The following ADAM23 variants were observed in gnomAD, a reference collection of about 807,000 sequenced individuals.
The protein encoded by ADAM23 is ADAM metallopeptidase domain 23.
In ADAM23, 33 loss-of-function variants were observed where a neutral mutation model predicts 120.1. The ratio of observed to expected loss-of-function variants is 0.27; its 90% CI spans 0.21 to 0.37. The LOEUF (loss-of-function observed/expected upper bound fraction) is 0.37. Ranked by LOEUF, ADAM23 falls within the 10% of genes least tolerant of loss-of-function variation. The pLI, the probability that ADAM23 is intolerant of heterozygous loss-of-function variation, is 1.00. For synonymous variants in ADAM23, 367 were observed against 375.2 expected (o/e 0.98, Z 0.25); for missense variants, 862 against 1,058.2 (o/e 0.81, Z 2.57).
chr2:206,584,177 G>A (rs1698275312), intron 18 of ADAM23, among the ~76,000 whole-genome samples: 1 of 152,172 alleles, frequency 6.6e-6, no homozygotes, highest in African/African-American at 2.4e-5. Context: ...GGCTGGTACT[G>A]GGGGTTGTCT....
At chr2:206,471,331 T>C (rs1043625418) in intron 2 of ADAM23, among the ~76,000 whole-genome samples, 1 of 152,226 alleles carries the variant, frequency 6.6e-6, no homozygotes, top group Non-Finnish European at 1.5e-5. Flanking sequence ...GTAGTCATCA[T>C]AAAGACTCAA....
chr2:206,558,970 A>G lies in ADAM23; in HGVS notation c.1006-985A>G, dbSNP rs571822894. On this transcript the variant is annotated intron_variant, in intron 10 of 25. Transcript: ENST00000264377. ...GTTTGTTTGTTTTTCTTTGAGACAG[A>G]GTCTTGCTCTGTTGCCCAGGCTGGA... 4.3e-4 allele frequency among the ~76,000 whole-genome samples: 65 copies of G among 151,994 alleles called. No homozygotes were observed. The South Asian group carries it at 5.6e-3, about 13-fold the overall frequency.
At position 206,456,232 on chromosome 2, in the gene ADAM23, G is replaced by C. The variant is rs570922751; in HGVS notation, c.432+10708G>C. On this transcript the variant is annotated intron_variant, in intron 2 of 25. Coordinates refer to ENST00000264377, the MANE Select transcript of ADAM23 (RefSeq NM_003812.4). ...GGAAGCATGCACACCTTACCATGGT[G>C]GAGCAGGAGAGAGAGAGCAAGCAAG... 5.3e-5 allele frequency among the ~76,000 whole-genome samples: 8 copies of C among 152,194 alleles called. No individual in the cohort carries two copies. In the South Asian group the frequency reaches 1.7e-3, roughly 32 times the overall value.
chr2:206,464,658 A>G (rs1695504135), intron 2 of ADAM23, among the ~76,000 whole-genome samples: 1 of 152,250 alleles, frequency 6.6e-6, no homozygotes, highest in Middle Eastern at 3.4e-3. Flanking sequence ...CTATACATAC[A>G]TCTTCTGTAC....
intron 24 of ADAM23, among the ~76,000 whole-genome samples, 163 bp downstream of exon 24, chr2:206,596,325 TATATC>T (rs1321414576): frequency 6.6e-6 from 1 of 152,270 alleles, no homozygotes; most frequent in Non-Finnish European, 1.5e-5. Context: ...AGGATTCTGA[TATATC>T]ATATTTTTAA....
Position 206,445,313 on chromosome 2 carries a change from A to G in ADAM23, c.221A>G (p.His74Arg). ...ACCCCCCTACCTCCACCAGCTCCGC[A>G]TTGGAATGAAACTGCAGAAAAAAAT... The part of the protein sequence containing the change: ...AWGAAAPSAP[H>R]WNETAEKNLG... Residue 74 changes from histidine (H) to arginine (R), a missense_variant, in exon 2 of 26, where the codon CAT (histidine) becomes CGT (arginine). Transcript: ENST00000264377. 1 of 1,612,588 alleles carries G rather than the reference A, an allele frequency of 6.2e-7. No homozygotes were observed. Among genetic ancestry groups the G allele is most frequent in the Non-Finnish European group, 8.5e-7 (1 of 1,179,118 alleles).
rs140496483 is a variant in ADAM23 at position 206,610,737 on chromosome 2, C to A, written c.2450+737C>A. ...TTCACAAATAAACTTCAATTGTGAT[C>A]AAAATTTTTAAAGCTGATTTATCCA... On this transcript the variant is annotated intron_variant, in intron 25 of 25. Transcript: ENST00000264377. 9.2e-4 allele frequency among the ~76,000 whole-genome samples: 140 copies of A among 152,274 alleles called. 4 individuals carry two copies. In the East Asian group the frequency reaches 0.023, roughly 25 times the overall value.
intron 24 of ADAM23, among the ~76,000 whole-genome samples, chr2:206,600,903 C>T (rs1022156693): frequency 1.3e-5 from 2 of 152,170 alleles, no homozygotes; most frequent in Non-Finnish European, 2.9e-5. Flanking sequence ...CTACGTTGTT[C>T]ATTTCACATG....
intron 4 of ADAM23, among the ~76,000 whole-genome samples, chr2:206,540,073 T>G (rs999335463): frequency 3.9e-5 from 6 of 152,076 alleles, no homozygotes; most frequent in African/African-American, 1.4e-4. Flanking sequence ...TCCCAGCTAC[T>G]CAGGAGGCTG....
intron 4 of ADAM23, among the ~76,000 whole-genome samples, chr2:206,540,355 T>C (rs1043346709): frequency 6.6e-6 from 1 of 151,954 alleles, no homozygotes; most frequent in Non-Finnish European, 1.5e-5. Context: ...CCTGTGCATA[T>C]AGAGGGCTGA....
intron 21 of ADAM23, among the ~76,000 whole-genome samples, chr2:206,590,681 A>G (rs1698409234): frequency 6.6e-6 from 1 of 152,200 alleles, no homozygotes; most frequent in Non-Finnish European, 1.5e-5. Context: ...TTTGACTATA[A>G]TTTTTAAAAA....
At chr2:206,501,905 T>C (rs1696394488) in intron 3 of ADAM23, among the ~76,000 whole-genome samples, 1 of 152,192 alleles carries the variant, frequency 6.6e-6, no homozygotes. Flanking sequence ...CATTGAAATA[T>C]AATGTTTTAG....
At position 206,443,688 on chromosome 2, in the gene ADAM23, C is replaced by A. The variant is rs1695005763; in HGVS notation, c.-179C>A. On this transcript the variant is annotated 5_prime_UTR_variant, in exon 1 of 26. Coordinates refer to ENST00000264377, the MANE Select transcript of ADAM23 (RefSeq NM_003812.4). ...GGAGTGGCTGCGAGGCTAGGCGAGC[C>A]GGGAAAGGGGGCGCCGCCCAGCCCC... 6.0e-6 allele frequency: 1 copy of A among 168,054 alleles called. No individual in the cohort carries two copies. The highest frequency in any genetic ancestry group is 1.2e-5 in the Non-Finnish European group (1 of 84,662). 10.4% of individuals were successfully genotyped at this position (168,054 alleles called of 1,614,324 possible).
chr2:206,535,386 A>G (rs1574518917), intron 4 of ADAM23, among the ~76,000 whole-genome samples: 1 of 152,328 alleles, frequency 6.6e-6, no homozygotes, highest in South Asian at 2.1e-4. Context: ...GCTGCTTGGC[A>G]GAACAGTTTG....
rs1028748687 is a variant in ADAM23 at position 206,601,257 on chromosome 2, T to C, written c.2359+5095T>C. Among the ~76,000 whole-genome samples the C allele has an allele frequency of 5.3e-5, 8 of 152,188 alleles. No homozygotes were observed. The East Asian group carries it at 1.5e-3, about 29-fold the overall frequency. On this transcript the variant is annotated intron_variant, in intron 24 of 25. Transcript: ENST00000264377. ...AGTGATATGTATGGGCAGATATTCC[T>C]GGGAAGCTTTGGTCAGACCTTTTCA...
intron 3 of ADAM23, among the ~76,000 whole-genome samples, chr2:206,482,855 A>G (rs1203780788): frequency 6.6e-6 from 1 of 152,166 alleles, no homozygotes; most frequent in Non-Finnish European, 1.5e-5. Context: ...GCTTGAGCTA[A>G]ATCTTGAAGT....
At chr2:206,475,149 C>A (rs1021426915) in intron 2 of ADAM23, among the ~76,000 whole-genome samples, 1 of 152,114 alleles carries the variant, frequency 6.6e-6, no homozygotes, top group African/African-American at 2.4e-5. Flanking sequence ...GTACCAATTG[C>A]ATGGGGTGCT....
intron 3 of ADAM23, among the ~76,000 whole-genome samples, chr2:206,528,511 T>G (rs1485993753): frequency 6.6e-6 from 1 of 152,216 alleles, no homozygotes; most frequent in Non-Finnish European, 1.5e-5. Flanking sequence ...TTGGAAAGGT[T>G]GTCCTTCATC....
In ADAM23 at chr2:206,615,991, G is replaced by A. The variant is rs1698928927; in HGVS notation, c.2451-1588G>A. On this transcript the variant is annotated intron_variant, in intron 25 of 25. Transcript: ENST00000264377. The stretch of plus-strand genomic sequence containing the variant: ...TTGGTTTGCCCTTTCCTCTACATTT[G>A]GATTTACTGAGGAAATTTAGTTTAA... Among the ~76,000 whole-genome samples, 3 of 152,154 alleles carry A rather than the reference G, an allele frequency of 2.0e-5. No homozygotes were observed. The South Asian group carries it at 6.2e-4, about 32-fold the overall frequency.
Sources: gnomAD v4.1 joint callset for allele counts (sites outside exome capture counted in the v4.1 genomes callset) on GRCh38, gnomAD v4.1.1 for gene constraint, MANE v1.5 for transcripts, NCBI Gene and HGNC (gene_info 2026-07-23, HGNC 2026-07-21) for gene names.